The following ZFR2 variants were observed in gnomAD, a reference collection of about 807,000 sequenced individuals.
ZFR2 encodes the protein zinc finger RNA-binding protein 2.
In ZFR2, 104 loss-of-function variants were observed where a neutral mutation model predicts 105.7. The observed-to-expected ratio is 0.98, with a 90% CI of 0.84 to 1.16. The LOEUF is 1.16. ZFR2 is among the 50% of genes most tolerant of loss of function. The pLI is 0.00. For synonymous variants in ZFR2, 634 were observed against 597.7 expected, an observed-to-expected ratio of 1.06 and a Z score of -0.89; for missense variants, 1,425 against 1,355.5, an observed-to-expected ratio of 1.05 and a Z score of -0.80.
chr19:3,851,154 A>C (rs2038234107), intron 1 of ZFR2, among the ~76,000 whole-genome samples: 1 of 152,032 alleles, frequency 6.6e-6, no homozygotes, highest in Non-Finnish European at 1.5e-5. Context: ...ACGGTTAGAG[A>C]GGGGAGCAGT....
intron 6 of ZFR2, among the ~76,000 whole-genome samples, 185 bp downstream of exon 6, chr19:3,827,286 A>T (rs2037961142): frequency 6.6e-6 from 1 of 152,180 alleles, no homozygotes; most frequent in African/African-American, 2.4e-5. Flanking sequence ...AAATAACTGG[A>T]AAGGAGTTTG....
At chr19:3,847,063 G>A (rs62132988) in intron 1 of ZFR2, among the ~76,000 whole-genome samples, 21,601 of 152,182 alleles carry the variant, frequency 0.14, 1,809 homozygotes, top group Admixed American at 0.24. Context: ...ACTGTTGGTG[G>A]CAGTCCTTGT....
Position 3,831,428 on chromosome 19 carries a change from C to G in ZFR2, c.727G>C (p.Gly243Arg). ...TTCGAGTCGGCCCTGGGGCTGCTTCCTGAGCCTGCAGGCGCGGGCGGCGGG... is the reference window on the plus strand; with the variant it reads ...TTCGAGTCGGCCCTGGGGCTGCTTCGTGAGCCTGCAGGCGCGGGCGGCGGG... ...LPPPPAPAGS[G>R]SSPRADSKPP... The change falls in exon 5 of 19, where the codon GGA becomes CGA. Residue 243 changes from glycine to arginine, a missense_variant. Physicochemically the swap from Gly to Arg is moderately radical, Grantham distance 125. Transcript: ENST00000262961. The G allele has an allele frequency of 6.4e-7, 1 of 1,554,282 alleles. No homozygotes were observed. The highest frequency in any genetic ancestry group is 2.4e-5 in the East Asian group (1 of 41,326).
Position 3,833,248 on chromosome 19 carries a change from C to CA in ZFR2, c.379+415dup, listed in dbSNP as rs1206859994. On this transcript the variant is annotated intron_variant, in intron 3 of 18. Transcript: ENST00000262961. Reference sequence around the variant, plus strand: ...TGGGCAACAGAGTGAGACTCCGTCTCAAAAAAAAAAAAAAAAAAGAAAAGA... The same window carrying CA: ...TGGGCAACAGAGTGAGACTCCGTCTCAAAAAAAAAAAAAAAAAAAGAAAAGA... 8.8e-3 allele frequency among the ~76,000 whole-genome samples: 659 copies of CA among 75,008 alleles called. 1 individual carries two copies. The highest frequency in any genetic ancestry group is 0.017 in the African/African-American group (352 of 20,504). 49.2% of individuals were successfully genotyped at this position (75,008 alleles called of 152,430 possible).
In ZFR2 at chr19:3,847,684, G is replaced by A. The variant is rs148908293; in HGVS notation, c.54-12701C>T. On this transcript the variant is annotated intron_variant, in intron 1 of 18. Transcript: ENST00000262961. ...CTCACCTTTTGAAGGAAGGCATAGGGAACAATTTGCAGACGTATTTCTAGA... is the reference window on the plus strand; with the variant it reads ...CTCACCTTTTGAAGGAAGGCATAGGAAACAATTTGCAGACGTATTTCTAGA... 3.5e-3 allele frequency among the ~76,000 whole-genome samples: 538 copies of A among 152,332 alleles called. 2 individuals are homozygous for A. Among genetic ancestry groups the A allele is most frequent in the African/African-American group, 0.013 (525 of 41,576 alleles).
At chr19:3,860,910 C>T (rs1285625362) in intron 1 of ZFR2, among the ~76,000 whole-genome samples, 1 of 152,158 alleles carries the variant, frequency 6.6e-6, no homozygotes, top group East Asian at 1.9e-4. Flanking sequence ...GACAAGATGG[C>T]AAACCCCAGG....
chr19:3,867,799 G>A (rs918522880), intron 1 of ZFR2, among the ~76,000 whole-genome samples: 1 of 151,658 alleles, frequency 6.6e-6, no homozygotes, highest in Non-Finnish European at 1.5e-5. Context: ...CTCGGTTTCC[G>A]CCCCTCCCTG....
At position 3,804,225 on chromosome 19, in the gene ZFR2, A is replaced by G. The variant is rs1213427421; in HGVS notation, c.*1724T>C. ...TGGCCAAAGAAAAAAAAACTGACCAAGCGGAAGGTTTGAACAGGTTGGGGT... is the reference window on the plus strand; with the variant it reads ...TGGCCAAAGAAAAAAAAACTGACCAGGCGGAAGGTTTGAACAGGTTGGGGT... On this transcript the variant is annotated 3_prime_UTR_variant, in exon 19 of 19. Transcript: ENST00000262961. 6.6e-6 allele frequency: 1 copy of G among 152,240 alleles called. No individual in the cohort carries two copies. Among genetic ancestry groups the G allele is most frequent in the East Asian group, 1.9e-4 (1 of 5,172 alleles). The allele number at this position is 152,240 out of a possible 1,614,324, so 9.4% of individuals were successfully genotyped here.
intron 1 of ZFR2, among the ~76,000 whole-genome samples, chr19:3,857,510 G>C (rs1019758241): frequency 1.4e-5 from 2 of 141,158 alleles, no homozygotes; most frequent in African/African-American, 5.4e-5. Context: ...TTCGAGACCA[G>C]CCTGGCCAAC....
chr19:3,813,879 A>G lies in ZFR2; in HGVS notation c.2183T>C (p.Met728Thr), dbSNP rs1357609151. The change falls in exon 14 of 19, where the codon ATG becomes ACG. Residue 728 changes from methionine (M) to threonine (T), a missense_variant. Met to Thr is a moderately conservative substitution (Grantham distance 81). Coordinates refer to ENST00000262961, the MANE Select transcript of ZFR2 (RefSeq NM_015174.2). This position sits in a 1 kb window ranked among gnomAD's most constrained non-coding sequence, Gnocchi z 4.4. The stretch of plus-strand genomic sequence containing the variant: ...TGAGGTGACAGATATGGTGACCTGC[A>G]TCCTGGGCTCCTCACAGGAGGAGAT... Reference protein sequence around the residue: ...IVISSCEEPRMQVTISVTSPL... With the variant: ...IVISSCEEPRTQVTISVTSPL... 1 of 1,613,920 alleles carries G rather than the reference A, an allele frequency of 6.2e-7. No individual in the cohort carries two copies. Among genetic ancestry groups the G allele is most frequent in the East Asian group, 2.2e-5 (1 of 44,880 alleles).
chr19:3,826,682 C>T (rs1377619510), intron 6 of ZFR2, among the ~76,000 whole-genome samples: 1 of 151,940 alleles, frequency 6.6e-6, no homozygotes, highest in African/African-American at 2.4e-5. Context: ...ATGCGATCCA[C>T]TCGCCTCGGC....
intron 12 of ZFR2, 138 bp from the exon 13 acceptor site, chr19:3,816,983 C>A (rs1378630068): frequency 2.6e-6 from 2 of 779,020 alleles, no homozygotes; most frequent in Non-Finnish European, 2.0e-6. Flanking sequence ...TGAAATGGGA[C>A]CAGGCCGCTC....
chr19:3,813,036 C>T lies in ZFR2; in HGVS notation c.2242+784G>A, dbSNP rs764772627. 1.1e-4 allele frequency among the ~76,000 whole-genome samples: 16 copies of T among 152,128 alleles called. 1 individual carries two copies. The highest frequency in any genetic ancestry group is 3.8e-4 in the East Asian group (2 of 5,196). ...CGGAAGTTGCAGTGAGCTGAGATTG[C>T]GCCATTGCACTCCAGCCTGGGCAAC... is the stretch of plus-strand genomic sequence containing the variant. On this transcript the variant is annotated intron_variant, in intron 14 of 18. Transcript: ENST00000262961. This position sits in a 1 kb window ranked among gnomAD's most constrained non-coding sequence, Gnocchi z 4.4.
In ZFR2 at chr19:3,820,289, G is replaced by A. The variant is rs768767401; in HGVS notation, c.1633C>T (p.Arg545Trp). Residue 545 changes from arginine to tryptophan, a missense_variant and splice_region_variant, in exon 11 of 19, where the codon CGG becomes TGG. Physicochemically the swap from Arg to Trp is moderately radical, Grantham distance 101. Transcript: ENST00000262961. The part of the protein sequence containing the change: ...QLRRWHAERR[R>W]LEEEPPQDVP... ...TCCTGGGGTGGCTCCTCCTCCAGCCGCCTGCAGGACCGAGACGTGACAGAG... is the reference window on the plus strand; with the variant it reads ...TCCTGGGGTGGCTCCTCCTCCAGCCACCTGCAGGACCGAGACGTGACAGAG... 132 of 1,543,600 alleles carry A rather than the reference G, an allele frequency of 8.6e-5. No individual in the cohort carries two copies. In the East Asian group the frequency reaches 1.2e-3, roughly 14 times the overall value.
chr19:3,851,882 T>G (rs1185995710), intron 1 of ZFR2: 2 of 161,222 alleles, frequency 1.2e-5, no homozygotes, highest in African/African-American at 4.8e-5. Context: ...CGGCTCATCT[T>G]GCAATACAAT....
At chr19:3,820,325 C>G in intron 10 of ZFR2, 35 bp from the exon 11 acceptor site, 4 of 1,515,364 alleles carry the variant, frequency 2.6e-6, no homozygotes, top group Non-Finnish European at 2.6e-6. Flanking sequence ...CATGGTCAGG[C>G]CAGCAGTGGC....
intron 18 of ZFR2, 136 bp from the exon 19 acceptor site, chr19:3,806,261 C>A (rs986725760): frequency 3.0e-6 from 3 of 989,370 alleles, no homozygotes; most frequent in African/African-American, 3.4e-5. Flanking sequence ...AGCCCCCGGC[C>A]CCCCGCCGCT....
rs980950998 is a variant in ZFR2, at chr19:3,804,536, G to C, written c.*1413C>G. On this transcript the variant is annotated 3_prime_UTR_variant, in exon 19 of 19. Coordinates refer to ENST00000262961, the MANE Select transcript of ZFR2 (RefSeq NM_015174.2). ...CACTCAGTGGTACAGGGCTCGGGGC[G>C]GGGGGTGGGTGGGGGTGCCTCTGGG... 2 of 151,970 alleles carry C rather than the reference G, an allele frequency of 1.3e-5. No homozygotes were observed. Among genetic ancestry groups the C allele is most frequent in the African/African-American group, 2.4e-5 (1 of 41,370 alleles). 9.4% of individuals were successfully genotyped at this position (151,970 alleles called of 1,614,324 possible).
At chr19:3,820,560 A>G (rs921981438) in intron 10 of ZFR2, among the ~76,000 whole-genome samples, 3 of 152,156 alleles carry the variant, frequency 2.0e-5, no homozygotes, top group African/African-American at 7.2e-5. Context: ...TTCCCTTCCC[A>G]ATGCAGACCT....
Sources: gnomAD v4.1 joint callset for allele counts (sites outside exome capture counted in the v4.1 genomes callset) on GRCh38, gnomAD v4.1.1 for gene constraint, Gnocchi (gnomAD v3.1) non-coding constraint, MANE v1.5 for transcripts, NCBI Gene and HGNC (gene_info 2026-07-23, HGNC 2026-07-21) for gene names.